Variants in ATP11B observed in about 807,000 individuals in gnomAD.
ATP11B encodes ATPase phospholipid transporting 11B (putative).
In ATP11B, 81 loss-of-function variants were observed where a neutral mutation model predicts 157.8. That is an observed-to-expected ratio of 0.51 (90% CI 0.43 to 0.62). ATP11B has a LOEUF of 0.62. ATP11B is among the 20% of genes least tolerant of loss of function. The pLI, the probability that ATP11B is intolerant of heterozygous loss-of-function variation, is 0.00. For synonymous variants in ATP11B, 451 were observed against 469.4 expected, an observed-to-expected ratio of 0.96 and a Z score of 0.51; for missense variants, 1,165 against 1,402.2, an observed-to-expected ratio of 0.83 and a Z score of 2.70.
In ATP11B at chr3:182,847,144, G is replaced by C. The variant is rs746738187; in HGVS notation, c.770-1332G>C. ...CGGCTCATTGCAACCTCTGCCTCCC[G>C]GGTTCAAGCAATTCTCCTGCCTCAG... On this transcript the variant is annotated intron_variant, in intron 9 of 29. Transcript: ENST00000323116. Among the ~76,000 whole-genome samples, 7 of 149,788 alleles carry C rather than the reference G, an allele frequency of 4.7e-5. No homozygotes were observed. In the South Asian group the frequency reaches 8.4e-4, roughly 18 times the overall value.
chr3:182,843,110 C>T (rs772495421), intron 8 of ATP11B, among the ~76,000 whole-genome samples: 1 of 152,142 alleles, frequency 6.6e-6, no homozygotes, highest in Non-Finnish European at 1.5e-5. Flanking sequence ...TGTTAGATTT[C>T]CCTCAACTTG....
At chr3:182,887,515 C>T in intron 23 of ATP11B, 71 bp from the exon 24 acceptor site, 1 of 1,320,770 alleles carries the variant, frequency 7.6e-7, no homozygotes, top group Non-Finnish European at 1.0e-6. Flanking sequence ...TTTTAATATG[C>T]ATAGTTGTCA....
intron 4 of ATP11B, among the ~76,000 whole-genome samples, chr3:182,830,541 A>G (rs994806463): frequency 1.3e-5 from 2 of 152,192 alleles, no homozygotes; most frequent in East Asian, 1.9e-4. Flanking sequence ...CTTCTCAAAA[A>G]GGTCTTGGCA....
At chr3:182,843,352 T>C (rs1444140508) in intron 8 of ATP11B, among the ~76,000 whole-genome samples, 1 of 152,246 alleles carries the variant, frequency 6.6e-6, no homozygotes, top group Non-Finnish European at 1.5e-5. Flanking sequence ...GGTAGTAATA[T>C]TAAAAGGAAA....
At chr3:182,883,840 A>G (rs1040593864) in intron 21 of ATP11B, among the ~76,000 whole-genome samples, 1 of 149,014 alleles carries the variant, frequency 6.7e-6, no homozygotes, top group Admixed American at 6.6e-5. Flanking sequence ...CTGTAGTCCC[A>G]GCTACTTGGG....
At chr3:182,897,952 G>A (rs7650888) in intron 27 of ATP11B, among the ~76,000 whole-genome samples, 72,799 of 151,684 alleles carry the variant, frequency 0.48, 20,297 homozygotes, top group African/African-American at 0.77. Context: ...GGACAACTGA[G>A]GGCTCTCTTT....
chr3:182,851,362 T>C (rs755908221), intron 10 of ATP11B, among the ~76,000 whole-genome samples: 1 of 152,238 alleles, frequency 6.6e-6, no homozygotes, highest in Admixed American at 6.5e-5. Flanking sequence ...TGTGTATTTT[T>C]TTTCTCTTTT....
At chr3:182,900,656 T>G (rs922505457) in intron 28 of ATP11B, among the ~76,000 whole-genome samples, 1 of 152,222 alleles carries the variant, frequency 6.6e-6, no homozygotes, top group Admixed American at 6.5e-5. Context: ...TCCATTATAC[T>G]TACTCTAGAT....
chr3:182,813,688 A>G (rs2108492911), intron 1 of ATP11B, among the ~76,000 whole-genome samples: 1 of 152,276 alleles, frequency 6.6e-6, no homozygotes, highest in East Asian at 1.9e-4. Context: ...AATAACATAA[A>G]AGTTAAATTC....
At chr3:182,838,255 C>T (rs542834767) in intron 7 of ATP11B, among the ~76,000 whole-genome samples, 1 of 152,016 alleles carries the variant, frequency 6.6e-6, no homozygotes, top group African/African-American at 2.4e-5. Context: ...GACTGTAAGA[C>T]ATTTAACTGT....
At chr3:182,797,714 G>C (rs1208803823) in intron 1 of ATP11B, among the ~76,000 whole-genome samples, 1 of 105,870 alleles carries the variant, frequency 9.4e-6, no homozygotes. Flanking sequence ...TCTCAAAAAA[G>C]AAAAAAGAAA....
chr3:182,889,086 C>G (rs1380817719), intron 24 of ATP11B, among the ~76,000 whole-genome samples: 1 of 152,220 alleles, frequency 6.6e-6, no homozygotes, highest in South Asian at 2.1e-4. Flanking sequence ...TGGTCTTGAT[C>G]TCTTAACCTT....
chr3:182,888,973 C>T (rs1324786898), intron 24 of ATP11B, among the ~76,000 whole-genome samples: 2 of 151,684 alleles, frequency 1.3e-5, no homozygotes, highest in Non-Finnish European at 2.9e-5. Context: ...AGTGAGTCTC[C>T]TGCCTCAGCC....
At chr3:182,908,835 A>G (rs1198040238) in intron 28 of ATP11B, among the ~76,000 whole-genome samples, 1 of 151,976 alleles carries the variant, frequency 6.6e-6, no homozygotes, top group Non-Finnish European at 1.5e-5. Context: ...TTTTACATTA[A>G]AAAGAAAAAC....
intron 19 of ATP11B, among the ~76,000 whole-genome samples, chr3:182,874,645 C>T (rs536766058): frequency 6.6e-6 from 1 of 152,266 alleles, no homozygotes; most frequent in African/African-American, 2.4e-5. Flanking sequence ...AATCTCATTA[C>T]ATACAGTTCT....
chr3:182,846,439 T>A (rs1719536579), intron 9 of ATP11B, among the ~76,000 whole-genome samples: 1 of 152,130 alleles, frequency 6.6e-6, no homozygotes, highest in Non-Finnish European at 1.5e-5. Context: ...AAGTTAAATA[T>A]AGAATTATAT....
intron 29 of ATP11B, 171 bp from the exon 30 acceptor site, chr3:182,917,852 A>G: frequency 1.0e-6 from 1 of 980,582 alleles, no homozygotes. Flanking sequence ...AAGTTTTTAT[A>G]TAATATAAAT....
intron 25 of ATP11B, among the ~76,000 whole-genome samples, chr3:182,894,135 TTACTC>T (rs1449830287): frequency 6.6e-6 from 1 of 152,216 alleles, no homozygotes; most frequent in Non-Finnish European, 1.5e-5. Context: ...GCTTGTCTGT[TTACTC>T]TACTGATTAT....
chr3:182,831,988 T>C (rs1034862901), intron 4 of ATP11B, among the ~76,000 whole-genome samples: 4 of 152,158 alleles, frequency 2.6e-5, no homozygotes, highest in Non-Finnish European at 5.9e-5. Flanking sequence ...AATGAACTTA[T>C]TGGATATTTT....
Sources: gnomAD v4.1 joint callset for allele counts (sites outside exome capture counted in the v4.1 genomes callset) on GRCh38, gnomAD v4.1.1 for gene constraint, MANE v1.5 for transcripts, NCBI Gene and HGNC (gene_info 2026-07-23, HGNC 2026-07-21) for gene names.